HERC3: variants seen among roughly 807,000 people sequenced by gnomAD.
The protein encoded by HERC3 is HECT and RLD domain containing E3 ubiquitin protein ligase 3.
A neutral mutation model predicts 129.9 loss-of-function variants in HERC3; 58 were observed. The ratio of observed to expected loss-of-function variants is 0.45; its 90% CI spans 0.36 to 0.56. The LOEUF is 0.56. HERC3 is among the 20% of genes least tolerant of loss of function. The pLI is 0.00. For missense variants in HERC3, 835 were observed against 1,244.2 expected (o/e 0.67, Z 4.95); for synonymous variants, 430 against 451.0 (o/e 0.95, Z 0.59).
chr4:88,660,615 T>G (rs991873366), intron 10 of HERC3, among the ~76,000 whole-genome samples: 2 of 152,160 alleles, frequency 1.3e-5, no homozygotes, highest in African/African-American at 4.8e-5. Context: ...TGATTCTAGG[T>G]CTTGGGAATT....
intron 23 of HERC3, among the ~76,000 whole-genome samples, chr4:88,695,487 T>G (rs552863509): frequency 6.6e-6 from 1 of 152,190 alleles, no homozygotes; most frequent in Admixed American, 6.5e-5. Flanking sequence ...AACCTGATAT[T>G]ATATTGAGGA....
At chr4:88,652,667 A>G (rs1168731995) in intron 5 of HERC3, among the ~76,000 whole-genome samples, 2 of 152,224 alleles carry the variant, frequency 1.3e-5, no homozygotes, top group Admixed American at 6.5e-5. Context: ...TTTGAAGGGC[A>G]GTAAGACTCA....
the HERC3 span, among the ~76,000 whole-genome samples, chr4:88,539,538 G>A: frequency 3.9e-5 from 6 of 152,188 alleles, no homozygotes; most frequent in Non-Finnish European, 7.3e-5. Flanking sequence ...AGACTTAAAC[G>A]TCCCTGTCTG....
At chr4:88,661,534 CACTGGAG>C (rs1172952209) in intron 10 of HERC3, among the ~76,000 whole-genome samples, 2 of 152,198 alleles carry the variant, frequency 1.3e-5, no homozygotes, top group African/African-American at 4.8e-5. Context: ...TTTTCCTCTT[CACTGGAG>C]ACGAGAATAG....
At chr4:88,587,810 G>T (rs1441807081), upstream of HERC3, among the ~76,000 whole-genome samples, 1 of 152,234 alleles carries the variant, frequency 6.6e-6, no homozygotes, top group Non-Finnish European at 1.5e-5. Flanking sequence ...TTACATGCAT[G>T]TATTCTGTGC....
chr4:88,676,125 T>G, intron 16 of HERC3, 93 bp from the exon 17 acceptor site: 1 of 919,402 alleles, frequency 1.1e-6, no homozygotes, highest in South Asian at 1.5e-5. Context: ...GTCAGATTGG[T>G]TCTGTGTTTT....
the HERC3 span, among the ~76,000 whole-genome samples, chr4:88,552,938 G>C: frequency 6.6e-6 from 1 of 152,108 alleles, no homozygotes; most frequent in African/African-American, 2.4e-5. Flanking sequence ...TTATCCATCT[G>C]TCTCAGAAAC....
intron 16 of HERC3, 42 bp downstream of exon 16, chr4:88,670,294 A>G (rs747374671): frequency 2.3e-6 from 3 of 1,332,548 alleles, no homozygotes; most frequent in East Asian, 2.3e-5. Context: ...TAGTCTTTTT[A>G]TAAGAAAAGC....
chr4:88,680,834 T>A (rs1732697777), intron 20 of HERC3: 1 of 158,796 alleles, frequency 6.3e-6, no homozygotes, highest in Non-Finnish European at 1.4e-5. Flanking sequence ...CTGTGCCTAG[T>A]AGACACATGT....
chr4:88,602,801 A>G (rs1338575343), intron 2 of HERC3, among the ~76,000 whole-genome samples: 1 of 152,118 alleles, frequency 6.6e-6, no homozygotes, highest in Non-Finnish European at 1.5e-5. Flanking sequence ...TCATATCCAG[A>G]TAAAGTGATT....
In HERC3 at chr4:88,685,456, A is replaced by G. The variant is rs537207434; in HGVS notation, c.2508-1280A>G. Among the ~76,000 whole-genome samples the G allele has an allele frequency of 4.4e-3, 672 of 152,306 alleles. 1 individual carries two copies. Among genetic ancestry groups the G allele is most frequent in the Non-Finnish European group, 6.7e-3 (458 of 68,018 alleles). ...GTTTATGTCCTTTGCAGGGACATGG[A>G]TGAAGCTGGAAGCCATCATTCTTAG... On this transcript the variant is annotated intron_variant, in intron 21 of 25. Transcript: ENST00000402738.
chr4:88,575,401 T>G, the HERC3 span, among the ~76,000 whole-genome samples: 1 of 152,232 alleles, frequency 6.6e-6, no homozygotes, highest in African/African-American at 2.4e-5. Flanking sequence ...CTGTCAAAGC[T>G]GACAAGCATC....
chr4:88,586,509 C>A, the HERC3 span, among the ~76,000 whole-genome samples: 34 of 152,100 alleles, frequency 2.2e-4, no homozygotes, highest in African/African-American at 7.9e-4. Context: ...CAGGCATGTG[C>A]CACCATGCCC....
In HERC3 at chr4:88,667,912, T is replaced by C; in HGVS notation, c.1464T>C (p.Ser488=). The C allele has an allele frequency of 6.2e-7, 1 of 1,612,480 alleles. No individual in the cohort carries two copies. Among genetic ancestry groups the C allele is most frequent in the Non-Finnish European group, 8.5e-7 (1 of 1,178,978 alleles). ...TACAGATTTTGAACAGTTTTGAAAG[T>C]TGTCTGATTCCCCAGTTGTCAAGCT... The part of the protein sequence containing the change: ...ILEQILNSFE[S]CLIPQLSSSP... Residue 488 remains serine (S), a synonymous_variant, in exon 14 of 26, where the codon AGT becomes AGC. Transcript: ENST00000402738.
chr4:88,637,526 A>G (rs1727561334), intron 3 of HERC3, among the ~76,000 whole-genome samples: 1 of 152,264 alleles, frequency 6.6e-6, no homozygotes, highest in African/African-American at 2.4e-5. Context: ...GCAGAAATCA[A>G]GAAGTTATTT....
At chr4:88,551,503 C>G in the HERC3 span, among the ~76,000 whole-genome samples, 9 of 150,538 alleles carry the variant, frequency 6.0e-5, no homozygotes, top group African/African-American at 2.2e-4. Flanking sequence ...CAAAAGAAGA[C>G]ATTTATGCAG....
At chr4:88,531,570 G>C in the HERC3 span, among the ~76,000 whole-genome samples, 8 of 152,264 alleles carry the variant, frequency 5.3e-5, no homozygotes, top group Middle Eastern at 3.4e-3. Flanking sequence ...ATCTGTGGCA[G>C]CTGTTGCTCT....
chr4:88,676,174 G>C (rs369581125), intron 16 of HERC3, 44 bp from the exon 17 acceptor site: 1 of 1,401,338 alleles, frequency 7.1e-7, no homozygotes, highest in Admixed American at 1.8e-5. Context: ...TAAAATTCAG[G>C]GTTTACAATT....
At chr4:88,704,670 G>C in intron 25 of HERC3, 60 bp downstream of exon 25, 1 of 1,006,188 alleles carries the variant, frequency 9.9e-7, no homozygotes, top group South Asian at 1.3e-5. Flanking sequence ...ATACAGTATA[G>C]GATGACATGC....
Sources: gnomAD v4.1 joint callset for allele counts (sites outside exome capture counted in the v4.1 genomes callset) on GRCh38, gnomAD v4.1.1 for gene constraint, MANE v1.5 for transcripts, NCBI Gene and HGNC (gene_info 2026-07-23, HGNC 2026-07-21) for gene names.